The following LRBA variants were observed in gnomAD, a reference collection of about 807,000 sequenced individuals.
LRBA encodes LPS responsive beige-like anchor protein.
In LRBA, 176 loss-of-function variants were observed where a neutral mutation model predicts 330.0. The observed-to-expected ratio is 0.53, with a 90% CI of 0.47 to 0.60. LRBA has a LOEUF of 0.60. Among genes scored for constraint, LRBA ranks in the 20% least tolerant of loss-of-function variants. LRBA has a pLI of 0.00. For missense variants in LRBA, 3,259 were observed against 3,444.8 expected (o/e 0.95, Z 1.35); for synonymous variants, 1,230 against 1,193.0 (o/e 1.03, Z -0.64).
intron 56 of LRBA, among the ~76,000 whole-genome samples, chr4:150,272,740 TAAAG>T (rs778573236): frequency 1.3e-4 from 20 of 150,780 alleles, no homozygotes; most frequent in Admixed American, 3.3e-4. Flanking sequence ...CTTAATGAAA[TAAAG>T]AGAGAAGATT....
At chr4:150,986,855 A>G (rs1741516960) in intron 2 of LRBA, among the ~76,000 whole-genome samples, 2 of 152,236 alleles carry the variant, frequency 1.3e-5, no homozygotes, top group South Asian at 4.1e-4. Context: ...GGAAGGCAGT[A>G]AAGAAAATGA....
chr4:150,636,243 T>C (rs1425934501), intron 37 of LRBA, among the ~76,000 whole-genome samples: 1 of 151,626 alleles, frequency 6.6e-6, no homozygotes, highest in African/African-American at 2.4e-5. Flanking sequence ...TTTGGAACTA[T>C]GCAAATTTTC....
intron 38 of LRBA, among the ~76,000 whole-genome samples, chr4:150,591,774 G>C (rs552290447): frequency 6.6e-6 from 1 of 152,024 alleles, no homozygotes; most frequent in East Asian, 1.9e-4. Context: ...ATCTAGGGAG[G>C]GAAGAAGCAG....
At position 150,749,964 on chromosome 4, in the gene LRBA, T is replaced by C. The variant is rs571610481; in HGVS notation, c.5645+11819A>G. Among the ~76,000 whole-genome samples the C allele has an allele frequency of 1.1e-3, 162 of 152,322 alleles. 1 individual carries two copies. The highest frequency in any genetic ancestry group is 3.4e-3 in the Middle Eastern group (1 of 294). On this transcript the variant is annotated intron_variant, in intron 35 of 56. Coordinates refer to ENST00000651943, the MANE Select transcript of LRBA (RefSeq NM_001364905.1). ...TGATTTTGTTCCAGCCACTCTGGCC[T>C]TCAATTTGTTTAAATAATACACAAT...
At chr4:150,553,249 T>C (rs182458844) in intron 40 of LRBA, among the ~76,000 whole-genome samples, 11 of 151,730 alleles carry the variant, frequency 7.2e-5, no homozygotes, top group African/African-American at 2.7e-4. Flanking sequence ...TTCTCACTCA[T>C]AGGTGGGAAT....
At chr4:150,759,911 C>T (rs1734843397) in intron 35 of LRBA, among the ~76,000 whole-genome samples, 1 of 152,034 alleles carries the variant, frequency 6.6e-6, no homozygotes, top group African/African-American at 2.4e-5. Context: ...AATCTTAAGT[C>T]TATGTTGCCT....
At chr4:150,617,381 C>T (rs1374939164) in intron 37 of LRBA, among the ~76,000 whole-genome samples, 1 of 152,198 alleles carries the variant, frequency 6.6e-6, no homozygotes, top group Non-Finnish European at 1.5e-5. Flanking sequence ...TGGCCTCACG[C>T]CTGTAATCCC....
intron 47 of LRBA, among the ~76,000 whole-genome samples, chr4:150,356,165 T>C (rs891948401): frequency 1.3e-5 from 2 of 152,110 alleles, no homozygotes; most frequent in Non-Finnish European, 2.9e-5. Context: ...TTTCTTTCCA[T>C]GTCAACTTTG....
intron 36 of LRBA, among the ~76,000 whole-genome samples, chr4:150,693,518 C>A (rs1430117656): frequency 1.4e-5 from 2 of 138,188 alleles, no homozygotes; most frequent in Non-Finnish European, 3.1e-5. Context: ...GAGCCGAGAT[C>A]CCGCCACTGC....
In LRBA at chr4:150,738,929, A is replaced by T. The variant is rs147785344; in HGVS notation, c.5646-3563T>A. Among the ~76,000 whole-genome samples, 302 of 152,238 alleles carry T rather than the reference A, an allele frequency of 2.0e-3. 2 individuals are homozygous for T. Among genetic ancestry groups the T allele is most frequent in the African/African-American group, 7.1e-3 (294 of 41,570 alleles). The stretch of plus-strand genomic sequence containing the variant: ...TAAGATGATAAATTTTAACCTAAAC[A>T]TATCAGAAATACATAGAAAGTAAAC... On this transcript the variant is annotated intron_variant, in intron 35 of 56. Coordinates refer to ENST00000651943, the MANE Select transcript of LRBA (RefSeq NM_001364905.1).
intron 40 of LRBA, among the ~76,000 whole-genome samples, chr4:150,509,509 C>A (rs781743304): frequency 6.8e-6 from 1 of 147,170 alleles, no homozygotes; most frequent in Admixed American, 6.7e-5. Flanking sequence ...AAAATAAGAG[C>A]AAGTTAAACC....
intron 33 of LRBA, among the ~76,000 whole-genome samples, chr4:150,802,004 TATAA>T (rs10582625): frequency 0.075 from 9,900 of 131,960 alleles, 641 homozygotes; most frequent in South Asian, 0.26. Context: ...AACCCATCTC[TATAA>T]ATAAATAAAT....
chr4:150,327,738 G>T (rs1023841989), intron 48 of LRBA, among the ~76,000 whole-genome samples: 2 of 152,192 alleles, frequency 1.3e-5, no homozygotes, highest in Non-Finnish European at 2.9e-5. Flanking sequence ...GCTTAGCACA[G>T]TACCTAGCAC....
chr4:150,630,219 C>A (rs1777242400), intron 37 of LRBA, among the ~76,000 whole-genome samples: 1 of 152,176 alleles, frequency 6.6e-6, no homozygotes, highest in Admixed American at 6.5e-5. Flanking sequence ...GTTATTATAA[C>A]ACCTATGATT....
At chr4:150,467,960 T>C (rs1413970529) in intron 43 of LRBA, among the ~76,000 whole-genome samples, 175 bp from the exon 44 acceptor site, 1 of 152,006 alleles carries the variant, frequency 6.6e-6, no homozygotes, top group African/African-American at 2.4e-5. Flanking sequence ...TTGTATCATC[T>C]CCATTTCACA....
intron 34 of LRBA, among the ~76,000 whole-genome samples, chr4:150,797,556 C>T (rs1740972854): frequency 6.6e-6 from 1 of 151,850 alleles, no homozygotes. Context: ...TTTTGGAACA[C>T]CTAAAATAAT....
rs184241693 is a variant in LRBA at position 150,276,590 on chromosome 4, C to A, written c.8468+1263G>T. Among the ~76,000 whole-genome samples the A allele has an allele frequency of 4.0e-3, 613 of 152,188 alleles. 1 individual carries two copies. Among genetic ancestry groups the A allele is most frequent in the African/African-American group, 0.014 (576 of 41,534 alleles). ...CTTAAACAAATTTACAAGAAAAAAA[C>A]AACCCCATCAAAAAGTGGGCAAAAG... On this transcript the variant is annotated intron_variant, in intron 56 of 56. Coordinates refer to ENST00000651943, the MANE Select transcript of LRBA (RefSeq NM_001364905.1).
intron 22 of LRBA, among the ~76,000 whole-genome samples, chr4:150,864,644 CTTTT>C (rs34280757): frequency 6.8e-5 from 8 of 118,442 alleles, no homozygotes; most frequent in Non-Finnish European, 7.1e-5. Flanking sequence ...GGCCCACGTT[CTTTT>C]TTTTTTTTTT....
At chr4:150,889,878 A>G (rs754908934) in intron 17 of LRBA, among the ~76,000 whole-genome samples, 2 of 152,226 alleles carry the variant, frequency 1.3e-5, no homozygotes, top group African/African-American at 2.4e-5. Context: ...AACCACAGAC[A>G]ATATTTAAAA....
Sources: gnomAD v4.1 joint callset for allele counts (sites outside exome capture counted in the v4.1 genomes callset) on GRCh38, gnomAD v4.1.1 for gene constraint, MANE v1.5 for transcripts, NCBI Gene and HGNC (gene_info 2026-07-23, HGNC 2026-07-21) for gene names.